The following PISD variants were observed in gnomAD, a reference collection of about 807,000 sequenced individuals.
PISD encodes phosphatidylserine decarboxylase.
PISD carries 31 observed loss-of-function variants against 43.5 expected under a neutral mutation model. The ratio of observed to expected loss-of-function variants is 0.71; its 90% CI spans 0.54 to 0.96. The LOEUF (loss-of-function observed/expected upper bound fraction) is 0.96. PISD is among the 40% of genes least tolerant of loss of function. The probability of loss-of-function intolerance (pLI) is 0.00; values close to 1 mark genes in which losing one functional copy is unlikely to be tolerated. For missense variants in PISD, 523 were observed against 548.4 expected, an observed-to-expected ratio of 0.95 and a Z score of 0.46; for synonymous variants, 259 against 228.7, an observed-to-expected ratio of 1.13 and a Z score of -1.20.
rs554264983 is a variant in PISD, at chr22:31,650,745, T to C, written c.99A>G (p.Gln33=). ...LHPCEITALS[Q]SLQPLRKLPF... is the part of the protein sequence containing the mutation. ...GCAGCTTCCGTAAGGGCTGTAGGGA[T>C]TGGCTCAGGGCAGTGATCTCACAGG... is the stretch of plus-strand genomic sequence containing the variant. The change falls in exon 2 of 8, where the codon CAA becomes CAG. Residue 33 remains glutamine (Q), a synonymous_variant. Coordinates refer to ENST00000439502, the MANE Select transcript of PISD (RefSeq NM_001326411.2). 4.5e-6 allele frequency: 7 copies of C among 1,556,254 alleles called. No homozygotes were observed. The East Asian group carries it at 1.4e-4, about 32-fold the overall frequency.
intron 1 of PISD, among the ~76,000 whole-genome samples, chr22:31,658,855 CTTTTTTT>C (rs112877920): frequency 0.032 from 3,811 of 118,618 alleles, 148 homozygotes; most frequent in African/African-American, 0.11. Flanking sequence ...TTTTCTTTTT[CTTTTTTT>C]TTTTTTTTTG....
intron 3 of PISD, among the ~76,000 whole-genome samples, chr22:31,647,629 C>T (rs376798933): frequency 3.3e-5 from 5 of 152,314 alleles, no homozygotes; most frequent in Admixed American, 2.0e-4. Context: ...TGTTTCATTA[C>T]GTATCGTGCA....
At chr22:31,634,650 C>T (rs2073348037) in intron 3 of PISD, among the ~76,000 whole-genome samples, 1 of 152,030 alleles carries the variant, frequency 6.6e-6, no homozygotes, top group Non-Finnish European at 1.5e-5. Flanking sequence ...CCAGCCTGGC[C>T]AACATGGTGA....
chr22:31,623,169 C>A (rs1055125405), intron 3 of PISD, among the ~76,000 whole-genome samples: 3 of 152,208 alleles, frequency 2.0e-5, no homozygotes, highest in Non-Finnish European at 4.4e-5. Flanking sequence ...CAAGAGCAAG[C>A]CCTCTAGGGA....
intron 3 of PISD, chr22:31,623,904 C>A: frequency 6.5e-7 from 1 of 1,530,720 alleles, no homozygotes; most frequent in South Asian, 1.2e-5. Context: ...CTGGGCAGGA[C>A]CCAGGAGGCT....
intron 3 of PISD, among the ~76,000 whole-genome samples, chr22:31,645,909 T>C (rs1214743938): frequency 2.0e-5 from 3 of 148,024 alleles, no homozygotes; most frequent in African/African-American, 7.5e-5. Flanking sequence ...AATAAATAAA[T>C]TTTGTGTTCA....
chr22:31,628,065 G>C (rs903117357), intron 3 of PISD: 35 of 985,366 alleles, frequency 3.6e-5, no homozygotes, highest in Non-Finnish European at 3.9e-5. Context: ...CTTTATCACT[G>C]TTCTGCCTCT....
At chr22:31,640,034 CAGGT>C (rs2073642591) in intron 3 of PISD, among the ~76,000 whole-genome samples, 1 of 152,068 alleles carries the variant, frequency 6.6e-6, no homozygotes, top group Non-Finnish European at 1.5e-5. Context: ...TGATGGGCCA[CAGGT>C]TGAATCAGGG....
At chr22:31,639,512 G>A (rs1340251654) in intron 3 of PISD, among the ~76,000 whole-genome samples, 3 of 152,106 alleles carry the variant, frequency 2.0e-5, no homozygotes, top group African/African-American at 7.2e-5. Context: ...ACAGGCATGA[G>A]CCACCATGCC....
intron 2 of PISD, among the ~76,000 whole-genome samples, chr22:31,649,589 C>T (rs1410810226): frequency 1.3e-5 from 2 of 151,954 alleles, no homozygotes; most frequent in South Asian, 2.1e-4. Context: ...AAAAATTAGC[C>T]AGGCATGGTG....
Position 31,662,192 on chromosome 22 carries a change from C to G in PISD, c.17G>C (p.Gly6Ala), listed in dbSNP as rs1569495077. Residue 6 changes from glycine to alanine, a missense_variant, in exon 1 of 8, where the codon GGG (glycine) becomes GCG (alanine). By Grantham distance (60) the Gly-to-Ala change is moderately conservative. Transcript: ENST00000439502. ...GTGCAGTAATCCCAGACATCGGTGC[C>G]CCACGGACGTCGCCATCTTGTCTGC... Reference protein sequence around the residue: MATSVGHRCLGLLHGV... With the variant: MATSVAHRCLGLLHGV... 1.2e-6 allele frequency: 2 copies of G among 1,604,940 alleles called. No homozygotes were observed. The highest frequency in any genetic ancestry group is 3.3e-5 in the Admixed American group (2 of 60,000).
At chr22:31,627,961 A>G (rs1198921673) in intron 3 of PISD, 2 of 906,756 alleles carry the variant, frequency 2.2e-6, no homozygotes, top group African/African-American at 1.8e-5. Context: ...AGCCCTGGAG[A>G]GACTAAGAAC....
At chr22:31,627,729 G>A (rs189828153) in intron 3 of PISD, among the ~76,000 whole-genome samples, 5 of 152,312 alleles carry the variant, frequency 3.3e-5, no homozygotes, top group East Asian at 1.9e-4. Flanking sequence ...GGACAGTGAC[G>A]ACCACAGCCC....
At chr22:31,662,298 G>A, upstream of PISD, 3 of 1,342,774 alleles carry the variant, frequency 2.2e-6, no homozygotes, top group Non-Finnish European at 3.2e-6. Context: ...GTGGGCCAAT[G>A]AGAAAAGCGC....
At chr22:31,637,164 A>AATATATAT (rs61010566) in intron 3 of PISD, among the ~76,000 whole-genome samples, 36 of 13,546 alleles carry the variant, frequency 2.7e-3, no homozygotes, top group Middle Eastern at 0.083. Flanking sequence ...AAAAAAAAAA[A>AATATATAT]ATATATATAT....
chr22:31,642,776 C>T (rs1313134882), intron 3 of PISD, among the ~76,000 whole-genome samples: 5 of 126,646 alleles, frequency 3.9e-5, no homozygotes, highest in Non-Finnish European at 7.9e-5. Context: ...GCCTGGGAGA[C>T]AGAGCGAGAC....
rs182803734 is a variant in PISD at position 31,657,293 on chromosome 22, G to A, written c.65+4851C>T. ...TGGGATTACAGGCACCCACCACCATGCCTGGCTAATTTTTTGTATTTTTAG... is the reference window on the plus strand; with the variant it reads ...TGGGATTACAGGCACCCACCACCATACCTGGCTAATTTTTTGTATTTTTAG... On this transcript the variant is annotated intron_variant, in intron 1 of 7. Transcript: ENST00000439502. Among the ~76,000 whole-genome samples the A allele has an allele frequency of 2.6e-5, 4 of 151,272 alleles. No individual in the cohort carries two copies. In the East Asian group the frequency reaches 7.9e-4, roughly 30 times the overall value.
rs1156428610 is a variant in PISD at position 31,642,710 on chromosome 22, A to T, written c.321+5391T>A. On this transcript the variant is annotated intron_variant, in intron 3 of 7. Coordinates refer to ENST00000439502, the MANE Select transcript of PISD (RefSeq NM_001326411.2). ...CTTGGGAGACTGAGGCAGGGGAATC[A>T]CTTGAACCCGGGAGGCAGAGGTTGC... Among the ~76,000 whole-genome samples the T allele has an allele frequency of 2.0e-5, 3 of 148,928 alleles. No homozygotes were observed. In the East Asian group the frequency reaches 5.9e-4, roughly 29 times the overall value.
intron 3 of PISD, among the ~76,000 whole-genome samples, chr22:31,640,040 G>C (rs1221019993): frequency 6.6e-6 from 1 of 152,092 alleles, no homozygotes; most frequent in African/African-American, 2.4e-5. Flanking sequence ...GCCACAGGTT[G>C]AATCAGGGAC....
Sources: allele counts gnomAD v4.1 joint callset (sites outside exome capture counted in the v4.1 genomes callset), GRCh38; gene constraint gnomAD v4.1.1; transcripts MANE v1.5; gene names NCBI Gene and HGNC (gene_info 2026-07-23, HGNC 2026-07-21).